Variants in PLAC1 observed in about 807,000 individuals in gnomAD.
The protein encoded by PLAC1 is placenta associated 1.
For synonymous variants in PLAC1, 68 were observed against 62.1 expected, an observed-to-expected ratio of 1.09 and a Z score of -0.44; for missense variants, 136 against 163.2, an observed-to-expected ratio of 0.83 and a Z score of 0.91.
chrX:134,572,172 C>T (rs774228334), intron 2 of PLAC1, among the ~76,000 whole-genome samples: 45 of 111,001 alleles, frequency 4.1e-4, no homozygotes, highest in African/African-American at 8.8e-4. Flanking sequence ...AAGACAAGAA[C>T]GGAAAAAAAG....
intron 2 of PLAC1, among the ~76,000 whole-genome samples, chrX:134,697,032 C>CAA (rs375742064): frequency 7.1e-5 from 6 of 84,736 alleles, no homozygotes; most frequent in African/African-American, 2.6e-4. Context: ...GACTCCATCT[C>CAA]AAAAAAAAAA....
rs1339848143 is a variant in PLAC1, at chrX:134,588,289, A to ATTTT, written c.-59+13758_-59+13761dup. 3.2e-3 allele frequency among the ~76,000 whole-genome samples: 182 copies of ATTTT among 57,049 alleles called. 1 individual carries two copies. Among genetic ancestry groups the ATTTT allele is most frequent in the African/African-American group, 8.4e-3 (164 of 19,484 alleles). The allele number at this position is 57,049 out of a possible 115,157, so 49.5% of individuals were successfully genotyped here. ...GCACCCTTTTTTTCTAGAACTCTTT[A>ATTTT]TTTTATTTATTTATTTATTTATTTA... On this transcript the variant is annotated intron_variant, in intron 2 of 2. Transcript: ENST00000359237.
At chrX:134,588,290 T>TTTTATTTTA (rs1556046909) in intron 2 of PLAC1, among the ~76,000 whole-genome samples, 1 of 74,657 alleles carries the variant, frequency 1.3e-5, no homozygotes, top group Non-Finnish European at 2.7e-5. Flanking sequence ...GAACTCTTTA[T>TTTTATTTTA]TTTATTTATT....
chrX:134,568,428 C>T (rs2077888678), intron 2 of PLAC1, among the ~76,000 whole-genome samples: 2 of 112,155 alleles, frequency 1.8e-5, no homozygotes, highest in Non-Finnish European at 3.8e-5. Flanking sequence ...CACAGGAGCC[C>T]GCTAGAAAAA....
chrX:134,732,570 T>C (rs2078691907), intron 2 of PLAC1, among the ~76,000 whole-genome samples: 1 of 111,760 alleles, frequency 8.9e-6, no homozygotes, highest in African/African-American at 3.3e-5. Context: ...CCCCAATCTT[T>C]ATGAAGCCCA....
rs773141397 is a variant in PLAC1, at chrX:134,648,778, T to C, written c.-131+9550A>G. On this transcript the variant is annotated intron_variant, in intron 1 of 2. Transcript: ENST00000359237. ...GAAATGAATACAAGTGGGGCTGCTCTGGTTAAAGTGGGGGCAAGAGCCTTG... is the reference window on the plus strand; with the variant it reads ...GAAATGAATACAAGTGGGGCTGCTCCGGTTAAAGTGGGGGCAAGAGCCTTG... Among the ~76,000 whole-genome samples, 8 of 111,940 alleles carry C rather than the reference T, an allele frequency of 7.1e-5. No individual in the cohort carries two copies. In the South Asian group the frequency reaches 3.0e-3, roughly 42 times the overall value.
chrX:134,609,958 T>C (rs2078144075), intron 1 of PLAC1, among the ~76,000 whole-genome samples: 1 of 106,239 alleles, frequency 9.4e-6, no homozygotes, highest in African/African-American at 3.4e-5. Flanking sequence ...CAGCATTAAA[T>C]AGACATTGTG....
In PLAC1 at chrX:134,709,502, T is replaced by C. The variant is rs778957234; in HGVS notation, n.174+23933A>G. 3.6e-5 allele frequency among the ~76,000 whole-genome samples: 4 copies of C among 111,751 alleles called. No homozygotes were observed. The East Asian group carries it at 1.1e-3, about 31-fold the overall frequency. On this transcript the variant is annotated intron_variant and non_coding_transcript_variant, in intron 2 of 2. Coordinates refer to the PLAC1 transcript ENST00000466797. ...TTAGGTGGGTGTGGTGGCGTGCACC[T>C]GTAGTCCCAGCTACTTGGGAGCCTG...
chrX:134,635,098 C>T (rs1300677036), intron 1 of PLAC1, among the ~76,000 whole-genome samples: 1 of 111,476 alleles, frequency 9.0e-6, no homozygotes, highest in Non-Finnish European at 1.9e-5. Context: ...GATAGTCTGA[C>T]CATGCAATCT....
chrX:134,570,411 A>G (rs928205055), intron 2 of PLAC1, among the ~76,000 whole-genome samples: 1 of 111,265 alleles, frequency 9.0e-6, no homozygotes, highest in Non-Finnish European at 1.9e-5. Context: ...GCAGAATTCT[A>G]TTTAAAGTCT....
chrX:134,665,129 T>C (rs1229024538), intron 2 of PLAC1, among the ~76,000 whole-genome samples: 1 of 109,983 alleles, frequency 9.1e-6, no homozygotes, highest in Non-Finnish European at 1.9e-5. Flanking sequence ...TGTGTTTGTG[T>C]GTATGTGTGT....
chrX:134,721,193 G>A (rs2078656231), intron 2 of PLAC1, among the ~76,000 whole-genome samples: 1 of 112,585 alleles, frequency 8.9e-6, no homozygotes, highest in Non-Finnish European at 1.9e-5. Context: ...TACACGAAAA[G>A]ATGCTCAACA....
chrX:134,653,193 G>A (rs2078372711), intron 1 of PLAC1, among the ~76,000 whole-genome samples: 1 of 112,100 alleles, frequency 8.9e-6, no homozygotes, highest in Non-Finnish European at 1.9e-5. Context: ...AGGCCTGATG[G>A]CTCATCTCTC....
intron 2 of PLAC1, among the ~76,000 whole-genome samples, chrX:134,673,921 G>A (rs1397819888): frequency 1.8e-5 from 2 of 113,120 alleles, no homozygotes; most frequent in African/African-American, 6.4e-5. Flanking sequence ...GTGGGGCTGG[G>A]TAGGACCGTT....
At chrX:134,734,185 G>A (rs1339920320) in intron 1 of PLAC1, among the ~76,000 whole-genome samples, 4 of 112,852 alleles carry the variant, frequency 3.5e-5, no homozygotes. Context: ...TCTCAAATGT[G>A]TTGTTAGGTT....
At chrX:134,679,796 G>T (rs935331642) in intron 2 of PLAC1, among the ~76,000 whole-genome samples, 3 of 112,136 alleles carry the variant, frequency 2.7e-5, no homozygotes, top group Non-Finnish European at 5.6e-5. Flanking sequence ...AAAAGATCAA[G>T]AGGTAGAACT....
chrX:134,614,173 G>A (rs1229761579), intron 1 of PLAC1, among the ~76,000 whole-genome samples: 1 of 110,773 alleles, frequency 9.0e-6, no homozygotes, highest in Non-Finnish European at 1.9e-5. Context: ...ACAGCTCTTA[G>A]CTGTACCAGA....
chrX:134,692,938 G>A (rs1356443854), intron 2 of PLAC1, among the ~76,000 whole-genome samples: 2 of 112,048 alleles, frequency 1.8e-5, no homozygotes, highest in Non-Finnish European at 3.8e-5. Flanking sequence ...GTGAGATGCA[G>A]TAGGGGGAAG....
upstream of PLAC1, among the ~76,000 whole-genome samples, chrX:134,661,562 C>T (rs1438328634): frequency 8.9e-6 from 1 of 112,053 alleles, no homozygotes; most frequent in African/African-American, 3.2e-5. Context: ...TACAGTAGTT[C>T]CTTTTTCCTT....
Sources: allele counts gnomAD v4.1 joint callset (sites outside exome capture counted in the v4.1 genomes callset), GRCh38; gene constraint gnomAD v4.1.1; transcripts MANE v1.5; gene names NCBI Gene and HGNC (gene_info 2026-07-23, HGNC 2026-07-21).